Variants in ZNF83 observed in about 807,000 individuals in gnomAD.
ZNF83 encodes zinc finger protein 83.
For synonymous variants in ZNF83, 209 were observed against 213.0 expected (o/e 0.98, Z 0.17); for missense variants, 552 against 629.9 (o/e 0.88, Z 1.32).
chr19:52,633,242 T>G (rs2147177394), intron 2 of ZNF83, among the ~76,000 whole-genome samples: 1 of 151,858 alleles, frequency 6.6e-6, no homozygotes, highest in Admixed American at 6.6e-5. Context: ...CCCCCCTTTT[T>G]CCTTTACCTA....
chr19:52,650,644 CTTCAAGT>C (rs1361076798), intron 3 of ZNF83: 1 of 152,124 alleles, frequency 6.6e-6, no homozygotes, highest in Non-Finnish European at 1.5e-5. Context: ...ATTAGAAGAA[CTTCAAGT>C]TTTAGGAGTC....
rs1376123078 is a variant in ZNF83 at position 52,628,854 on chromosome 19, ATATATCTCTGTGCCCCAACCTCT to A, written c.-234+6189_-234+6211del. 1.1e-4 allele frequency among the ~76,000 whole-genome samples: 17 copies of A among 149,090 alleles called. No homozygotes were observed. In the East Asian group the frequency reaches 2.4e-3, roughly 21 times the overall value. On this transcript the variant is annotated intron_variant, in intron 2 of 2. Transcript: ENST00000301096. ...TCCCTTATTTCCATGCCCCAACCTC[ATATATCTCTGTGCCCCAACCTCT>A]TATATCTCTGTGCCCCAATCCCTTA...
At chr19:52,641,071 C>T (rs1294971199), upstream of ZNF83, among the ~76,000 whole-genome samples, 1 of 151,236 alleles carries the variant, frequency 6.6e-6, no homozygotes, top group Non-Finnish European at 1.5e-5. Flanking sequence ...AACACCCCCT[C>T]CAGACCCCGC....
chr19:52,622,560 GA>G (rs1216096999), intron 2 of ZNF83, among the ~76,000 whole-genome samples: 2 of 151,920 alleles, frequency 1.3e-5, no homozygotes, highest in African/African-American at 2.4e-5. Flanking sequence ...AGCTAGGCAA[GA>G]TTATGATTTC....
intron 2 of ZNF83, among the ~76,000 whole-genome samples, chr19:52,660,099 G>A (rs1023461336): frequency 6.6e-6 from 1 of 152,108 alleles, no homozygotes; most frequent in African/African-American, 2.4e-5. Flanking sequence ...GCTGAGGCAG[G>A]AGAATTGCGG....
chr19:52,614,036 A>G (rs199990989), exon 3 of ZNF83: 5 of 1,613,352 alleles, frequency 3.1e-6, no homozygotes, highest in Admixed American at 1.7e-5. Context: ...TTACATTTAT[A>G]TGGTTTCTCT....
chr19:52,687,592 AT>A (rs1278773364), intron 1 of ZNF83, among the ~76,000 whole-genome samples: 729 of 20,716 alleles, frequency 0.035, 106 homozygotes, highest in African/African-American at 0.22. Context: ...ATATATATAT[AT>A]ATAATGTATA....
At chr19:52,616,865 G>A (rs2060326627) in intron 2 of ZNF83, 1 of 152,080 alleles carries the variant, frequency 6.6e-6, no homozygotes, top group Admixed American at 6.6e-5. Context: ...AAAAAAGAAT[G>A]AGATCATGTC....
chr19:52,639,449 T>TC (rs2061264505), upstream of ZNF83, among the ~76,000 whole-genome samples: 1 of 97,726 alleles, frequency 1.0e-5, no homozygotes, highest in Non-Finnish European at 2.0e-5. Flanking sequence ...GGCAGAGTTT[T>TC]CTTTTTTGGC....
intron 1 of ZNF83, among the ~76,000 whole-genome samples, chr19:52,661,317 T>C (rs903693292): frequency 7.9e-5 from 12 of 152,146 alleles, no homozygotes; most frequent in African/African-American, 2.9e-4. Flanking sequence ...AAGGGTAATT[T>C]TGACCCATTT....
intron 2 of ZNF83, among the ~76,000 whole-genome samples, chr19:52,622,967 G>A (rs1600161298): frequency 6.6e-6 from 1 of 152,142 alleles, no homozygotes; most frequent in African/African-American, 2.4e-5. Flanking sequence ...ACTTCAAAAC[G>A]CCTAAGCTGC....
At chr19:52,617,304 A>G (rs2060346430) in intron 2 of ZNF83, 2 of 152,258 alleles carry the variant, frequency 1.3e-5, no homozygotes, top group South Asian at 4.1e-4. Flanking sequence ...CAGAGCAGAC[A>G]TCGGTTTAGG....
At chr19:52,622,831 TAATC>T (rs766789156) in intron 2 of ZNF83, among the ~76,000 whole-genome samples, 5 of 152,188 alleles carry the variant, frequency 3.3e-5, no homozygotes, top group Admixed American at 1.3e-4. Context: ...CAACAGGAAT[TAATC>T]AACCTCACCT....
chr19:52,661,982 G>A (rs73586189), intron 1 of ZNF83, among the ~76,000 whole-genome samples: 3,808 of 152,268 alleles, frequency 0.025, 154 homozygotes, highest in African/African-American at 0.082. Flanking sequence ...CCCAGAAAAA[G>A]GAAAGAAACC....
At chr19:52,674,597 C>T (rs966551516) in intron 1 of ZNF83, among the ~76,000 whole-genome samples, 1 of 152,002 alleles carries the variant, frequency 6.6e-6, no homozygotes, top group Non-Finnish European at 1.5e-5. Flanking sequence ...ATATTAGCAC[C>T]AAAATTAGTT....
chr19:52,681,116 C>T lies in ZNF83; in HGVS notation c.-283+9327G>A, dbSNP rs528843765. Reference sequence around the variant, plus strand: ...CCTGGCCAACATGGTAAAACCTCTTCTCTACTAAAAATATAAAAAGTAGCC... The same window carrying T: ...CCTGGCCAACATGGTAAAACCTCTTTTCTACTAAAAATATAAAAAGTAGCC... On this transcript the variant is annotated intron_variant, in intron 1 of 5. Transcript: ENST00000594682. Among the ~76,000 whole-genome samples the T allele has an allele frequency of 3.3e-5, 5 of 151,564 alleles. No individual in the cohort carries two copies. The South Asian group carries it at 8.4e-4, about 25-fold the overall frequency.
chr19:52,679,598 G>C (rs1404613165), intron 1 of ZNF83, among the ~76,000 whole-genome samples: 1 of 152,134 alleles, frequency 6.6e-6, no homozygotes, highest in Non-Finnish European at 1.5e-5. Flanking sequence ...GTGACAGAGG[G>C]AGACTGTATC....
At chr19:52,629,725 C>T (rs201196763) in intron 2 of ZNF83, among the ~76,000 whole-genome samples, 24 of 151,500 alleles carry the variant, frequency 1.6e-4, no homozygotes, top group East Asian at 5.8e-4. Flanking sequence ...GTTCATGACT[C>T]GTTTGGCAGC....
chr19:52,652,924 T>C lies in ZNF83; in HGVS notation c.-74+2637A>G, dbSNP rs954591680. The C allele has an allele frequency of 1.4e-5, 16 of 1,167,298 alleles. No homozygotes were observed. The African/African-American group carries it at 2.0e-4, about 14-fold the overall frequency. 72.3% of individuals were successfully genotyped at this position (1,167,298 alleles called of 1,614,324 possible). On this transcript the variant is annotated intron_variant, in intron 3 of 5. Coordinates refer to the ZNF83 transcript ENST00000594682. ...TTTCTCTCCACTATGAAGTCTATAA[T>C]GGTATACAAAGGATGACATATGACT...
Sources: gnomAD v4.1 joint callset for allele counts (sites outside exome capture counted in the v4.1 genomes callset) on GRCh38, gnomAD v4.1.1 for gene constraint, MANE v1.5 for transcripts, NCBI Gene and HGNC (gene_info 2026-07-23, HGNC 2026-07-21) for gene names.